The following MSH3 variants were observed in gnomAD, a reference collection of about 807,000 sequenced individuals.
The protein encoded by MSH3 is DNA mismatch repair protein Msh3.
Under a neutral mutation model 123.3 loss-of-function variants are expected in MSH3, and 106 were observed. That is an observed-to-expected ratio of 0.86 (90% CI 0.73 to 1.01). MSH3 has a LOEUF of 1.01. Among genes scored for constraint, MSH3 ranks in the 50% least tolerant of loss-of-function variants. The pLI, the probability that MSH3 is intolerant of heterozygous loss-of-function variation, is 0.00. For missense variants in MSH3, 1,459 were observed against 1,347.6 expected, an observed-to-expected ratio of 1.08 and a Z score of -1.29; for synonymous variants, 515 against 481.4, an observed-to-expected ratio of 1.07 and a Z score of -0.91.
In MSH3 at chr5:80,741,584, G is replaced by A. The variant is rs199963081; in HGVS notation, c.1653+36G>A. 342 of 1,495,304 alleles carry A rather than the reference G, an allele frequency of 2.3e-4. No homozygotes were observed. The highest frequency in any genetic ancestry group is 2.1e-3 in the African/African-American group (153 of 72,710). 92.6% of individuals were successfully genotyped at this position (1,495,304 alleles called of 1,614,324 possible). ...TACAAGGGCTAGTTGATTATAAATC[G>A]TTTTGGGAAAAACTTCTGAGTAAGG... On this transcript the variant is annotated intron_variant, in intron 11 of 23. Transcript: ENST00000265081.
At chr5:80,785,463 G>T (rs1744488901) in intron 17 of MSH3, among the ~76,000 whole-genome samples, 1 of 152,138 alleles carries the variant, frequency 6.6e-6, no homozygotes, top group African/African-American at 2.4e-5. Context: ...AACAACAGGT[G>T]CTGGAGAGGA....
rs887287544 is a variant in MSH3, at chr5:80,876,275, G to A, written c.*413G>A. On this transcript the variant is annotated 3_prime_UTR_variant, in exon 24 of 24. Coordinates refer to ENST00000265081, the MANE Select transcript of MSH3 (RefSeq NM_002439.5). ...CTAAAATAATTTTATTATGCAACCAGTTTATCCACCAAGAACATAAGAATT... is the reference window on the plus strand; with the variant it reads ...CTAAAATAATTTTATTATGCAACCAATTTATCCACCAAGAACATAAGAATT... 8.7e-6 allele frequency: 2 copies of A among 229,904 alleles called. No individual in the cohort carries two copies. The highest frequency in any genetic ancestry group is 5.4e-5 in the Admixed American group (1 of 18,488). The allele number at this position is 229,904 out of a possible 1,614,324, so 14.2% of individuals were successfully genotyped here. A position where few individuals can be genotyped will look rare whatever the true frequency, so the allele number is the denominator to read the frequency against.
At chr5:80,787,050 C>T (rs1744521338) in intron 17 of MSH3, among the ~76,000 whole-genome samples, 2 of 150,358 alleles carry the variant, frequency 1.3e-5, no homozygotes, top group Non-Finnish European at 2.9e-5. Context: ...TATTTTATGC[C>T]AACATTATAA....
chr5:80,724,353 AATC>A (rs1400570473), intron 8 of MSH3, among the ~76,000 whole-genome samples: 1 of 140,772 alleles, frequency 7.1e-6, no homozygotes, highest in Non-Finnish European at 1.5e-5. Flanking sequence ...ATGTTTATAA[AATC>A]ATCTCAGTTT....
chr5:80,710,677 G>A (rs1750839294), intron 8 of MSH3, among the ~76,000 whole-genome samples: 1 of 152,160 alleles, frequency 6.6e-6, no homozygotes, highest in Non-Finnish European at 1.5e-5. Context: ...GCACAGGTCT[G>A]GGGTATAGTA....
chr5:80,843,552 T>C (rs1228269536), intron 20 of MSH3, among the ~76,000 whole-genome samples: 1 of 152,200 alleles, frequency 6.6e-6, no homozygotes, highest in Non-Finnish European at 1.5e-5. Flanking sequence ...TTTTGGTTGG[T>C]GGGCTATTAA....
intron 8 of MSH3, among the ~76,000 whole-genome samples, chr5:80,686,969 C>G (rs1750106370): frequency 6.6e-6 from 1 of 152,176 alleles, no homozygotes; most frequent in African/African-American, 2.4e-5. Flanking sequence ...CAAGAGGTCT[C>G]CAAAGGATTT....
intron 8 of MSH3, among the ~76,000 whole-genome samples, chr5:80,716,387 T>G (rs1750961191): frequency 6.6e-6 from 1 of 152,136 alleles, no homozygotes; most frequent in African/African-American, 2.4e-5. Flanking sequence ...AAGTCTTTTT[T>G]TTTATTTCTC....
chr5:80,860,808 T>C (rs1746003521), intron 21 of MSH3, among the ~76,000 whole-genome samples: 2 of 152,204 alleles, frequency 1.3e-5, no homozygotes, highest in African/African-American at 4.8e-5. Flanking sequence ...CTGCATGTTA[T>C]ATCTTTTGTA....
At chr5:80,748,281 A>G (rs1296471092) in intron 12 of MSH3, among the ~76,000 whole-genome samples, 1 of 152,172 alleles carries the variant, frequency 6.6e-6, no homozygotes, top group African/African-American at 2.4e-5. Flanking sequence ...CCAGGCATTC[A>G]AGTTTCAGAA....
chr5:80,741,431 C>T (rs769077096), intron 10 of MSH3, 33 bp from the exon 11 acceptor site: 10 of 1,361,818 alleles, frequency 7.3e-6, no homozygotes, highest in Admixed American at 6.7e-5. Flanking sequence ...TATGCACTTA[C>T]ATCTAGGCTA....
At chr5:80,825,287 C>G (rs566724785) in intron 20 of MSH3, among the ~76,000 whole-genome samples, 2 of 152,274 alleles carry the variant, frequency 1.3e-5, no homozygotes, top group South Asian at 4.2e-4. Flanking sequence ...TACATTTTTA[C>G]TCACTGATGT....
At chr5:80,772,653 A>G (rs1436628514) in intron 15 of MSH3, among the ~76,000 whole-genome samples, 2 of 152,228 alleles carry the variant, frequency 1.3e-5, no homozygotes, top group Non-Finnish European at 2.9e-5. Flanking sequence ...ACTGGAATGT[A>G]TGCTATTTTT....
At chr5:80,739,558 G>A (rs577510055) in intron 10 of MSH3, among the ~76,000 whole-genome samples, 1 of 152,156 alleles carries the variant, frequency 6.6e-6, no homozygotes, top group Non-Finnish European at 1.5e-5. Flanking sequence ...GAGGGTAGAG[G>A]CACAACATAA....
chr5:80,656,368 C>G (rs1474710463), intron 1 of MSH3, 43 bp from the exon 2 acceptor site: 2 of 1,612,544 alleles, frequency 1.2e-6, no homozygotes, highest in African/African-American at 2.7e-5. Context: ...CAGGCCTTCT[C>G]AGAGTAGAGA....
At chr5:80,812,732 TA>T (rs934280653) in intron 19 of MSH3, among the ~76,000 whole-genome samples, 1 of 151,974 alleles carries the variant, frequency 6.6e-6, no homozygotes, top group African/African-American at 2.4e-5. Flanking sequence ...CACACCCAGC[TA>T]ATTTTTGTAT....
At chr5:80,657,574 C>T (rs1650692) in intron 2 of MSH3, among the ~76,000 whole-genome samples, 39,022 of 151,592 alleles carry the variant, frequency 0.26, 5,196 homozygotes, top group Middle Eastern at 0.33. Flanking sequence ...TTTTATGGTA[C>T]CAGAGAATTT....
chr5:80,796,516 A>G (rs888768979), intron 19 of MSH3, among the ~76,000 whole-genome samples: 8 of 152,150 alleles, frequency 5.3e-5, no homozygotes, highest in Admixed American at 2.6e-4. Flanking sequence ...GATAGTGTTG[A>G]GAAAGAACTT....
chr5:80,668,129 G>T (rs115426860), intron 3 of MSH3, among the ~76,000 whole-genome samples: 2 of 152,148 alleles, frequency 1.3e-5, no homozygotes, highest in African/African-American at 4.8e-5. Flanking sequence ...GCCGAGAGGG[G>T]ACCCTGGAGT....
Sources: allele counts gnomAD v4.1 joint callset (sites outside exome capture counted in the v4.1 genomes callset), GRCh38; gene constraint gnomAD v4.1.1; transcripts MANE v1.5; gene names NCBI Gene and HGNC (gene_info 2026-07-23, HGNC 2026-07-21).